GABRG3: variants seen among roughly 807,000 people sequenced by gnomAD.
The protein encoded by GABRG3 is gamma-aminobutyric acid receptor subunit gamma-3.
A neutral mutation model predicts 48.8 loss-of-function variants in GABRG3; 25 were observed. That is an observed-to-expected ratio of 0.51 (90% CI 0.37 to 0.72). The LOEUF (loss-of-function observed/expected upper bound fraction) is 0.72. Ranked by LOEUF, GABRG3 falls within the 30% of genes least tolerant of loss-of-function variation. The pLI, the probability that GABRG3 is intolerant of heterozygous loss-of-function variation, is 0.00. For missense variants in GABRG3, 394 were observed against 577.9 expected (o/e 0.68, Z 3.26); for synonymous variants, 227 against 217.6 (o/e 1.04, Z -0.38).
chr15:27,339,527 C>T (rs115751182), intron 5 of GABRG3, among the ~76,000 whole-genome samples: 3,502 of 152,328 alleles, frequency 0.023, 53 homozygotes, highest in African/African-American at 0.027. Flanking sequence ...TTACTGTAGA[C>T]TTGCACACCT....
chr15:27,530,649 G>T, intron 9 of GABRG3: 1 of 471,116 alleles, frequency 2.1e-6, no homozygotes, highest in Non-Finnish European at 4.4e-6. Flanking sequence ...GCCTCCAAGG[G>T]TTGCCCTTTA....
chr15:27,150,648 T>G (rs1380951637), intron 3 of GABRG3, among the ~76,000 whole-genome samples: 1 of 152,240 alleles, frequency 6.6e-6, no homozygotes, highest in East Asian at 1.9e-4. Context: ...CCATTTTCCA[T>G]GTAACTCCTA....
In GABRG3 at chr15:27,525,237, G is replaced by A. The variant is rs143472569; in HGVS notation, c.866-2196G>A. On this transcript the variant is annotated intron_variant, in intron 7 of 9. Transcript: ENST00000615808. ...ATTTTAGTTTGTGTTTAAATTAGGAGGTTTACTTCTGACTGCAGTAAGATG... is the reference window on the plus strand; with the variant it reads ...ATTTTAGTTTGTGTTTAAATTAGGAAGTTTACTTCTGACTGCAGTAAGATG... Among the ~76,000 whole-genome samples the A allele has an allele frequency of 1.8e-4, 27 of 152,040 alleles. No individual in the cohort carries two copies. The East Asian group carries it at 3.5e-3, about 20-fold the overall frequency.
chr15:27,219,183 C>A (rs1166088822), intron 3 of GABRG3, among the ~76,000 whole-genome samples: 1 of 152,156 alleles, frequency 6.6e-6, no homozygotes, highest in Non-Finnish European at 1.5e-5. Context: ...CCAAGGGGAC[C>A]CTGTGCCATA....
chr15:27,305,352 T>C (rs929307619), intron 3 of GABRG3, among the ~76,000 whole-genome samples: 1 of 151,156 alleles, frequency 6.6e-6, no homozygotes, highest in African/African-American at 2.4e-5. Flanking sequence ...AAAACTCTAA[T>C]AAAAGATATT....
In GABRG3 at chr15:27,059,755, T is replaced by C. The variant is rs573220712; in HGVS notation, c.270+32934T>C. Among the ~76,000 whole-genome samples the C allele has an allele frequency of 7.2e-5, 11 of 152,292 alleles. 1 individual carries two copies. The highest frequency in any genetic ancestry group is 2.4e-4 in the African/African-American group (10 of 41,568). ...CATAGGTCTGGGTCCTGGCAGACAA[T>C]GGTGCTTCACTGTGAACAAAGACAC... On this transcript the variant is annotated intron_variant, in intron 3 of 9. Transcript: ENST00000615808.
At chr15:27,154,034 C>G (rs960274905) in intron 3 of GABRG3, among the ~76,000 whole-genome samples, 2 of 152,206 alleles carry the variant, frequency 1.3e-5, no homozygotes, top group East Asian at 3.9e-4. Flanking sequence ...AGGAGTTGGG[C>G]TGTGCTTAGT....
chr15:27,000,080 T>C (rs990779705), intron 2 of GABRG3, among the ~76,000 whole-genome samples: 1 of 152,216 alleles, frequency 6.6e-6, no homozygotes, highest in Non-Finnish European at 1.5e-5. Flanking sequence ...AATATTTGCT[T>C]CATGTCTGTT....
intron 3 of GABRG3, among the ~76,000 whole-genome samples, chr15:27,201,352 G>A (rs1437962589): frequency 6.7e-6 from 1 of 149,580 alleles, no homozygotes; most frequent in Non-Finnish European, 1.5e-5. Context: ...AGTGAGGGGT[G>A]CGTGTGTGTG....
At chr15:27,150,728 G>C (rs1266942889) in intron 3 of GABRG3, among the ~76,000 whole-genome samples, 1 of 152,176 alleles carries the variant, frequency 6.6e-6, no homozygotes, top group Admixed American at 6.5e-5. Context: ...CACACAACTC[G>C]TTACTGGCAG....
intron 5 of GABRG3, among the ~76,000 whole-genome samples, chr15:27,436,746 T>C (rs1888623588): frequency 6.6e-6 from 1 of 152,090 alleles, no homozygotes; most frequent in African/African-American, 2.4e-5. Context: ...ACCAAGACCA[T>C]GGCTGGGCTT....
chr15:27,181,966 A>G lies in GABRG3; in HGVS notation c.271-144843A>G, dbSNP rs542550205. Among the ~76,000 whole-genome samples the G allele has an allele frequency of 4.7e-4, 71 of 149,670 alleles. 1 individual carries two copies. In the Middle Eastern group the frequency reaches 0.021, roughly 45 times the overall value. ...TTTCTACTATAATATAATTTCTACT[A>G]TGATATGCTATATAATATATAATAT... On this transcript the variant is annotated intron_variant, in intron 3 of 9. Transcript: ENST00000615808.
intron 2 of GABRG3, among the ~76,000 whole-genome samples, chr15:26,994,228 C>A (rs974542954): frequency 6.6e-6 from 1 of 151,812 alleles, no homozygotes; most frequent in Admixed American, 6.6e-5. Context: ...TAAGTAGGGA[C>A]TTACTTATGC....
At chr15:27,529,300 A>G (rs532014284) in intron 9 of GABRG3, among the ~76,000 whole-genome samples, 15 of 152,372 alleles carry the variant, frequency 9.8e-5, no homozygotes, top group Non-Finnish European at 1.6e-4. Flanking sequence ...GGTAGAGTGT[A>G]GCTTTACTGA....
intron 3 of GABRG3, 108 bp from the exon 4 acceptor site, chr15:27,326,701 G>T: frequency 1.2e-6 from 1 of 808,660 alleles, no homozygotes; most frequent in East Asian, 2.5e-5. Flanking sequence ...GAGAATTGGG[G>T]AGGTGAGGAT....
chr15:27,132,924 G>A (rs1897945026), intron 3 of GABRG3, among the ~76,000 whole-genome samples: 1 of 151,328 alleles, frequency 6.6e-6, no homozygotes, highest in Admixed American at 6.6e-5. Flanking sequence ...TCTTTTTAAT[G>A]TAAGCATTTA....
intron 5 of GABRG3, among the ~76,000 whole-genome samples, chr15:27,384,975 A>G (rs1177279753): frequency 1.3e-5 from 2 of 152,176 alleles, no homozygotes; most frequent in Admixed American, 1.3e-4. Context: ...ATGTATTTTC[A>G]TACTTGCATA....
chr15:27,446,567 T>G (rs8026779), intron 5 of GABRG3, among the ~76,000 whole-genome samples: 1 of 151,818 alleles, frequency 6.6e-6, no homozygotes, highest in Non-Finnish European at 1.5e-5. Context: ...GAAAAAAAAA[T>G]TTTGTAGTTT....
chr15:27,244,911 A>G (rs372960964), intron 3 of GABRG3, among the ~76,000 whole-genome samples: 34 of 152,212 alleles, frequency 2.2e-4, no homozygotes, highest in African/African-American at 7.9e-4. Flanking sequence ...AAAATTTAGC[A>G]ACAGTGTGTA....
Sources: allele counts gnomAD v4.1 joint callset (sites outside exome capture counted in the v4.1 genomes callset), GRCh38; gene constraint gnomAD v4.1.1; transcripts MANE v1.5; gene names NCBI Gene and HGNC (gene_info 2026-07-23, HGNC 2026-07-21).